HELZ: variants seen among roughly 807,000 people sequenced by gnomAD.
The protein encoded by HELZ is ATP-dependent RNA helicase with zinc finger domain.
Under a neutral mutation model 218.2 loss-of-function variants are expected in HELZ, and 23 were observed. The observed-to-expected ratio is 0.11, with a 90% CI of 0.08 to 0.15. The LOEUF is 0.15. HELZ is among the 10% of genes least tolerant of loss of function. The probability of loss-of-function intolerance (pLI) is 1.00; values close to 1 mark genes in which losing one functional copy is unlikely to be tolerated. For missense variants in HELZ, 1,813 were observed against 2,353.7 expected, an observed-to-expected ratio of 0.77 and a Z score of 4.75; for synonymous variants, 814 against 829.4, an observed-to-expected ratio of 0.98 and a Z score of 0.32.
chr17:67,199,646 C>T (rs185604963), intron 7 of HELZ, among the ~76,000 whole-genome samples: 10 of 152,242 alleles, frequency 6.6e-5, no homozygotes, highest in African/African-American at 2.4e-4. Context: ...CAACATAAGA[C>T]AAAGAAAATG....
intron 32 of HELZ, among the ~76,000 whole-genome samples, chr17:67,080,694 T>C (rs1271692236): frequency 6.6e-6 from 1 of 152,208 alleles, no homozygotes; most frequent in African/African-American, 2.4e-5. Flanking sequence ...GGAAATAATA[T>C]ATAATATTCA....
At chr17:67,121,977 G>T (rs974330073) in intron 26 of HELZ, among the ~76,000 whole-genome samples, 25 of 152,252 alleles carry the variant, frequency 1.6e-4, no homozygotes, top group African/African-American at 6.0e-4. Flanking sequence ...CAATTCATTA[G>T]CTCCGTTAAC....
At position 67,160,971 on chromosome 17, in the gene HELZ, G is replaced by A. The variant is rs775983000; in HGVS notation, c.2001C>T (p.Ile667=). ...LAIQLPPVLI[I]GPYGTGKTFT... ...ACGTTTTGCCTGTCCCATAGGGTCC[G>A]ATGATAAGCACAGGCGGCAGCTGGA... is the stretch of plus-strand genomic sequence containing the variant. Residue 667 remains isoleucine, a synonymous_variant, in exon 16 of 33, where the codon ATC becomes ATT. Transcript: ENST00000358691. 109 of 1,613,624 alleles carry A rather than the reference G, an allele frequency of 6.8e-5. No individual in the cohort carries two copies. In the African/African-American group the frequency reaches 6.9e-4, roughly 10 times the overall value.
intron 14 of HELZ, 137 bp downstream of exon 14, chr17:67,167,325 AT>A (rs2144150094): frequency 1.6e-6 from 1 of 609,268 alleles, no homozygotes; most frequent in Admixed American, 3.1e-5. Context: ...TACAGGTGCA[AT>A]TTTCAACCCA....
Position 67,123,060 on chromosome 17 carries a change from A to G in HELZ, c.3540T>C (p.Pro1180=). 1 of 1,613,398 alleles carries G rather than the reference A, an allele frequency of 6.2e-7. No homozygotes were observed. The highest frequency in any genetic ancestry group is 8.5e-7 in the Non-Finnish European group (1 of 1,179,328). ...CAGTGTGAGGATCTATTCTTTGAACAGGGCTTGGAGATTTTCCCAAATTTG... is the reference window on the plus strand; with the variant it reads ...CAGTGTGAGGATCTATTCTTTGAACGGGGCTTGGAGATTTTCCCAAATTTG... ...PHPNLGKSPS[P]VQRIDPHTGT... Residue 1180 remains proline (P), a synonymous_variant, in exon 26 of 33, where the codon CCT becomes CCC. Coordinates refer to ENST00000358691, the MANE Select transcript of HELZ (RefSeq NM_014877.4).
chr17:67,126,153 C>T (rs2143863392), intron 24 of HELZ, among the ~76,000 whole-genome samples: 1 of 152,280 alleles, frequency 6.6e-6, no homozygotes, highest in Admixed American at 6.5e-5. Flanking sequence ...AGCAAAGAAA[C>T]CAACCAAGCC....
In HELZ at chr17:67,193,998, T is replaced by G; in HGVS notation, c.526A>C (p.Thr176Pro). 6.2e-7 allele frequency: 1 copy of G among 1,613,764 alleles called. No individual in the cohort carries two copies. Among genetic ancestry groups the G allele is most frequent in the Non-Finnish European group, 8.5e-7 (1 of 1,179,936 alleles). Residue 176 changes from threonine (T) to proline (P), a missense_variant, in exon 9 of 33, where the codon ACA becomes CCA. By Grantham distance (38) the Thr-to-Pro change is conservative. Coordinates refer to ENST00000358691, the MANE Select transcript of HELZ (RefSeq NM_014877.4). The stretch of plus-strand genomic sequence containing the variant: ...CACAAAGTATATTCCTCGCTGCTTG[T>G]GATTCCCCTAGGTGGTGGGCGGAAA... ...WHFRPPPRGI[T>P]SSEEYTLCKR...
intron 31 of HELZ, among the ~76,000 whole-genome samples, chr17:67,090,566 C>G (rs935636741): frequency 6.6e-6 from 1 of 152,108 alleles, no homozygotes; most frequent in African/African-American, 2.4e-5. Flanking sequence ...AATTCAATTT[C>G]TTTAACAGTT....
At chr17:67,116,622 T>G (rs978962594) in intron 27 of HELZ, among the ~76,000 whole-genome samples, 2 of 152,120 alleles carry the variant, frequency 1.3e-5, no homozygotes, top group Non-Finnish European at 2.9e-5. Context: ...TCCATAACGA[T>G]AAACGAGTTA....
chr17:67,180,192 T>C (rs912573636), intron 12 of HELZ, among the ~76,000 whole-genome samples: 1 of 152,072 alleles, frequency 6.6e-6, no homozygotes, highest in Non-Finnish European at 1.5e-5. Context: ...TTAAAAATAC[T>C]CTGGATTGGG....
chr17:67,245,420 C>T (rs1234122986), upstream of HELZ: 3 of 926,234 alleles, frequency 3.2e-6, no homozygotes, highest in African/African-American at 1.8e-5. Flanking sequence ...GGTTTTCTCC[C>T]TTTCTCCTGC....
At chr17:67,184,799 G>A (rs187092702) in intron 12 of HELZ, among the ~76,000 whole-genome samples, 1 of 151,278 alleles carries the variant, frequency 6.6e-6, no homozygotes, top group East Asian at 1.9e-4. Flanking sequence ...CTGGGCAACA[G>A]AGCAAGACTC....
At chr17:67,210,143 G>T (rs1438858545) in intron 5 of HELZ, among the ~76,000 whole-genome samples, 3 of 152,192 alleles carry the variant, frequency 2.0e-5, no homozygotes. Context: ...AGGATCACTT[G>T]AGCTCAGGAT....
At position 67,109,532 on chromosome 17, in the gene HELZ, C is replaced by T. The variant is rs1182873617; in HGVS notation, c.4073G>A (p.Arg1358His). ...APHAQYAIPNRHFHPLPQLPR... is the reference protein window; with the variant it reads ...APHAQYAIPNHHFHPLPQLPR... ...TAGCTGGGGAAGGGGATGAAAGTGG[C>T]GATTAGGGATTGCATACTGTGCGTG... Residue 1358 changes from arginine (R) to histidine (H), a missense_variant, in exon 29 of 33, where the codon CGC becomes CAC. Coordinates refer to ENST00000358691, the MANE Select transcript of HELZ (RefSeq NM_014877.4). 3 of 1,613,710 alleles carry T rather than the reference C, an allele frequency of 1.9e-6. No individual in the cohort carries two copies. The highest frequency in any genetic ancestry group is 2.2e-5 in the East Asian group (1 of 44,882).
intron 3 of HELZ, among the ~76,000 whole-genome samples, chr17:67,225,698 T>C (rs1250534743): frequency 6.6e-6 from 1 of 152,174 alleles, no homozygotes; most frequent in Non-Finnish European, 1.5e-5. Flanking sequence ...TTCCATAAAA[T>C]GGTAACATTT....
intron 31 of HELZ, among the ~76,000 whole-genome samples, chr17:67,089,268 C>T: frequency 6.6e-6 from 1 of 152,076 alleles, no homozygotes; most frequent in East Asian, 1.9e-4. Context: ...CGAACATACA[C>T]AAACCAGTAG....
chr17:67,197,934 A>T (rs2040073655), intron 7 of HELZ, among the ~76,000 whole-genome samples: 1 of 152,190 alleles, frequency 6.6e-6, no homozygotes, highest in Admixed American at 6.5e-5. Flanking sequence ...ACAAATCAGG[A>T]GTAATTATTC....
In HELZ at chr17:67,111,008, G is replaced by A. The variant is rs1427884874; in HGVS notation, c.3919-1322C>T. ...ACAAAAAGAGGTGGAATATTCCAAG[G>A]AGAGAAGGACATGCTAGGTAAAGGT... On this transcript the variant is annotated intron_variant, in intron 28 of 32. Coordinates refer to ENST00000358691, the MANE Select transcript of HELZ (RefSeq NM_014877.4). Among the ~76,000 whole-genome samples, 3 of 152,242 alleles carry A rather than the reference G, an allele frequency of 2.0e-5. No homozygotes were observed. In the East Asian group the frequency reaches 5.8e-4, roughly 29 times the overall value.
At chr17:67,160,706 A>G (rs2038970478) in intron 16 of HELZ, among the ~76,000 whole-genome samples, 191 bp downstream of exon 16, 1 of 152,172 alleles carries the variant, frequency 6.6e-6, no homozygotes, top group African/African-American at 2.4e-5. Context: ...ACCAATTCTA[A>G]AAACAGTATG....
Sources: allele counts gnomAD v4.1 joint callset (sites outside exome capture counted in the v4.1 genomes callset), GRCh38; gene constraint gnomAD v4.1.1; transcripts MANE v1.5; gene names NCBI Gene and HGNC (gene_info 2026-07-23, HGNC 2026-07-21).